Variants in STPG2 observed in about 807,000 individuals in gnomAD.
STPG2 encodes the protein sperm tail PG-rich repeat containing 2, also known as sperm-tail PG-rich repeat-containing protein 2.
Under a neutral mutation model 54.2 loss-of-function variants are expected in STPG2, and 56 were observed. The ratio of observed to expected loss-of-function variants is 1.03; its 90% CI spans 0.83 to 1.29. The LOEUF (loss-of-function observed/expected upper bound fraction) is 1.29, where lower values mean the gene tolerates loss of function less well. Ranked by LOEUF, STPG2 falls within the 50% of genes most tolerant of loss-of-function variation. The pLI is 0.00. For missense variants in STPG2, 596 were observed against 544.9 expected (o/e 1.09, Z -0.93); for synonymous variants, 200 against 181.8 (o/e 1.10, Z -0.81).
rs564360674 is a variant in STPG2, at chr4:97,623,417, G to GA, written c.1321-64301dup. Among the ~76,000 whole-genome samples, 1,112 of 150,184 alleles carry GA rather than the reference G, an allele frequency of 7.4e-3. 10 individuals carry two copies. Among genetic ancestry groups the GA allele is most frequent in the Non-Finnish European group, 0.01 (687 of 67,028 alleles). ...CTATAAGAACCATAAATTTACAACA[G>GA]AAAAAAAATTAAAAAGTGGGCAAAG... On this transcript the variant is annotated intron_variant, in intron 10 of 10. Transcript: ENST00000295268.
intron 5 of STPG2, among the ~76,000 whole-genome samples, chr4:98,009,998 T>C (rs544686005): frequency 6.6e-6 from 1 of 152,022 alleles, no homozygotes; most frequent in African/African-American, 2.4e-5. Flanking sequence ...CCTATCATTT[T>C]TTCTTAGTTA....
chr4:97,489,049 C>T (rs1730440987), intron 4 of STPG2, among the ~76,000 whole-genome samples: 1 of 151,570 alleles, frequency 6.6e-6, no homozygotes. Context: ...CGGGTCTTTC[C>T]CATGCTGTTC....
intron 4 of STPG2, among the ~76,000 whole-genome samples, chr4:97,523,215 G>A (rs1177682620): frequency 2.0e-5 from 3 of 151,794 alleles, no homozygotes; most frequent in Non-Finnish European, 4.4e-5. Flanking sequence ...AGAGTGGACC[G>A]AGCATTTAGG....
At chr4:98,097,661 C>T (rs765181884) in intron 5 of STPG2, among the ~76,000 whole-genome samples, 93 of 152,084 alleles carry the variant, frequency 6.1e-4, no homozygotes, top group Non-Finnish European at 2.6e-4. Flanking sequence ...AAAAGGCATC[C>T]GAACTGGAAA....
At chr4:97,688,052 AC>A (rs1723252820) in intron 10 of STPG2, among the ~76,000 whole-genome samples, 1 of 152,126 alleles carries the variant, frequency 6.6e-6, no homozygotes, top group South Asian at 2.1e-4. Context: ...ATTTATTCAA[AC>A]ACTAGGATAT....
intron 8 of STPG2, among the ~76,000 whole-genome samples, chr4:97,854,337 C>T (rs1044086941): frequency 6.6e-6 from 1 of 151,640 alleles, no homozygotes; most frequent in African/African-American, 2.4e-5. Flanking sequence ...TAAAATGAGT[C>T]TAATAATAAT....
intron 10 of STPG2, among the ~76,000 whole-genome samples, chr4:97,657,564 T>C (rs1376449866): frequency 6.6e-6 from 1 of 152,188 alleles, no homozygotes; most frequent in East Asian, 1.9e-4. Flanking sequence ...CTGAAGATCC[T>C]AGTCTCAGGT....
chr4:97,922,123 A>T (rs946528582), intron 8 of STPG2, among the ~76,000 whole-genome samples: 2 of 152,176 alleles, frequency 1.3e-5, no homozygotes, highest in Admixed American at 6.5e-5. Flanking sequence ...GTTAATAATA[A>T]TAGGTCATAT....
At position 97,683,886 on chromosome 4, in the gene STPG2, T is replaced by C. The variant is rs116222116; in HGVS notation, c.1320+28813A>G. ...AAATTTCAAAGAAACAAAATCTTTC[T>C]GGAACTAATAAGCATCTATAGCAGA... On this transcript the variant is annotated intron_variant, in intron 10 of 10. Coordinates refer to ENST00000295268, the MANE Select transcript of STPG2 (RefSeq NM_174952.3). Among the ~76,000 whole-genome samples the C allele has an allele frequency of 8.1e-3, 1,225 of 151,984 alleles. 16 individuals carry two copies. Among genetic ancestry groups the C allele is most frequent in the African/African-American group, 0.028 (1,159 of 41,544 alleles).
At chr4:97,849,363 A>G (rs1196544496) in intron 8 of STPG2, among the ~76,000 whole-genome samples, 1 of 152,094 alleles carries the variant, frequency 6.6e-6, no homozygotes, top group Non-Finnish European at 1.5e-5. Flanking sequence ...GGCGTGGGCA[A>G]GGACTTCATG....
chr4:97,442,637 GC>G lies in STPG2; in HGVS notation c.463-254805del, dbSNP rs530981655. Reference sequence around the variant, plus strand: ...ACAGGGGGCTAGTCTGGCTTTGCCTGCTGAAGGCTTATTTAACAGAGGGCTT... The same window carrying G: ...ACAGGGGGCTAGTCTGGCTTTGCCTGTGAAGGCTTATTTAACAGAGGGCTT... On this transcript the variant is annotated intron_variant, in intron 4 of 4. Coordinates refer to the STPG2 transcript ENST00000522676. 4.5e-3 allele frequency among the ~76,000 whole-genome samples: 679 copies of G among 152,210 alleles called. 5 individuals carry two copies. Among genetic ancestry groups the G allele is most frequent in the South Asian group, 0.022 (106 of 4,820 alleles).
chr4:98,046,944 C>T (rs1578810758), intron 5 of STPG2, among the ~76,000 whole-genome samples: 1 of 152,172 alleles, frequency 6.6e-6, no homozygotes, highest in African/African-American at 2.4e-5. Context: ...ATACAAATAG[C>T]CTGTTTCATC....
At chr4:97,938,855 GTTC>G (rs1309191544) in intron 8 of STPG2, among the ~76,000 whole-genome samples, 13 of 151,932 alleles carry the variant, frequency 8.6e-5, no homozygotes, top group African/African-American at 3.1e-4. Context: ...TGCTGTTTTG[GTTC>G]TTCTCAGTGG....
At chr4:97,921,764 T>C (rs770616398) in intron 8 of STPG2, among the ~76,000 whole-genome samples, 1 of 152,006 alleles carries the variant, frequency 6.6e-6, no homozygotes, top group Non-Finnish European at 1.5e-5. Flanking sequence ...AAAATGAACA[T>C]CCAGATCGAC....
Position 98,142,430 on chromosome 4 carries a change from CGAG to C in STPG2, c.109+609_109+611del, listed in dbSNP as rs1740322953. On this transcript the variant is annotated intron_variant, in intron 1 of 10. Transcript: ENST00000295268. ...GACTAAGTCACTAACTGCAAACAAACGAGGAGAGCAAATATTATTTAAATTATC... is the reference window on the plus strand; with the variant it reads ...GACTAAGTCACTAACTGCAAACAAACGAGAGCAAATATTATTTAAATTATC... 5.3e-5 allele frequency among the ~76,000 whole-genome samples: 8 copies of C among 152,072 alleles called. No individual in the cohort carries two copies. In the South Asian group the frequency reaches 1.7e-3, roughly 31 times the overall value.
intron 5 of STPG2, among the ~76,000 whole-genome samples, chr4:98,024,328 A>C (rs1736340926): frequency 6.6e-6 from 1 of 152,178 alleles, no homozygotes; most frequent in South Asian, 2.1e-4. Context: ...TTCACTGCTG[A>C]TTATCAAATG....
At chr4:97,958,016 C>T (rs924459214) in intron 7 of STPG2, among the ~76,000 whole-genome samples, 2 of 151,782 alleles carry the variant, frequency 1.3e-5, no homozygotes, top group Non-Finnish European at 2.9e-5. Context: ...CAACTAAAAA[C>T]AAAAAACAAT....
intron 5 of STPG2, among the ~76,000 whole-genome samples, chr4:97,990,208 CT>C (rs1002511093): frequency 6.6e-6 from 1 of 152,090 alleles, no homozygotes; most frequent in African/African-American, 2.4e-5. Flanking sequence ...TTTTCTTCTG[CT>C]TTTTTGTAAA....
chr4:97,870,706 G>T (rs1729952535), intron 8 of STPG2, among the ~76,000 whole-genome samples: 1 of 151,236 alleles, frequency 6.6e-6, no homozygotes. Flanking sequence ...ATAATAGGTA[G>T]AAGCATACTA....
Sources: allele counts gnomAD v4.1 joint callset (sites outside exome capture counted in the v4.1 genomes callset), GRCh38; gene constraint gnomAD v4.1.1; transcripts MANE v1.5; gene names NCBI Gene and HGNC (gene_info 2026-07-23, HGNC 2026-07-21).